Variants in TMEM260 observed in about 807,000 individuals in gnomAD.
TMEM260 encodes protein O-mannosyl-transferase TMEM260.
Under a neutral mutation model 88.9 loss-of-function variants are expected in TMEM260, and 82 were observed. The observed-to-expected ratio is 0.92, with a 90% CI of 0.77 to 1.11. The LOEUF (loss-of-function observed/expected upper bound fraction) is 1.11, where lower values mean the gene tolerates loss of function less well. Ranked by LOEUF, TMEM260 falls within the 50% of genes least tolerant of loss-of-function variation. The pLI, the probability that TMEM260 is intolerant of heterozygous loss-of-function variation, is 0.00. For synonymous variants in TMEM260, 314 were observed against 309.3 expected (o/e 1.02, Z -0.16); for missense variants, 902 against 853.4 (o/e 1.06, Z -0.71).
intron 1 of TMEM260, 49 bp downstream of exon 1, chr14:56,580,123 G>A: frequency 8.1e-7 from 1 of 1,241,836 alleles, no homozygotes; most frequent in African/African-American, 1.5e-5. Context: ...CCTGGTCCCA[G>A]AACGGGCAGG....
intron 15 of TMEM260, among the ~76,000 whole-genome samples, chr14:56,645,412 A>G (rs922795081): frequency 1.3e-4 from 19 of 151,082 alleles, no homozygotes; most frequent in Non-Finnish European, 2.4e-4. Context: ...CAAGCACCAC[A>G]TGTTCTCACT....
downstream of TMEM260, chr14:56,650,677 C>A (rs1314904869): frequency 2.0e-5 from 3 of 152,008 alleles, no homozygotes; most frequent in Admixed American, 6.6e-5. Context: ...ATTTAAAACC[C>A]ATTTTGAGTG....
chr14:56,643,848 C>G (rs1241708686), intron 15 of TMEM260, among the ~76,000 whole-genome samples: 2 of 152,228 alleles, frequency 1.3e-5, no homozygotes, highest in Non-Finnish European at 2.9e-5. Flanking sequence ...AAATCACAAG[C>G]ATTCTTATAC....
intron 15 of TMEM260, among the ~76,000 whole-genome samples, chr14:56,641,350 G>T (rs1327552414): frequency 6.6e-6 from 1 of 152,088 alleles, no homozygotes; most frequent in Non-Finnish European, 1.5e-5. Context: ...AAGAGGGTGG[G>T]GGCCAATATT....
the TMEM260 span, among the ~76,000 whole-genome samples, chr14:56,660,093 C>A: frequency 6.6e-6 from 1 of 152,148 alleles, no homozygotes; most frequent in Non-Finnish European, 1.5e-5. Flanking sequence ...AGTGATGATG[C>A]CAAAAATTAA....
At chr14:56,612,878 A>G (rs1594847742) in intron 7 of TMEM260, 1 of 152,156 alleles carries the variant, frequency 6.6e-6, no homozygotes, top group South Asian at 2.1e-4. Context: ...TTATAGAACT[A>G]AAATGTTTCA....
intron 3 of TMEM260, among the ~76,000 whole-genome samples, chr14:56,591,115 C>T (rs1566529418): frequency 6.6e-6 from 1 of 152,182 alleles, no homozygotes; most frequent in Non-Finnish European, 1.5e-5. Flanking sequence ...ATTACAAAAA[C>T]TTAAAAAACA....
At chr14:56,597,879 G>A (rs1224627916) in intron 3 of TMEM260, among the ~76,000 whole-genome samples, 7 of 152,166 alleles carry the variant, frequency 4.6e-5, no homozygotes, top group African/African-American at 1.7e-4. Context: ...AATTAACTAG[G>A]TAGATAATGA....
At chr14:56,596,406 GTATA>G (rs890940479) in intron 3 of TMEM260, among the ~76,000 whole-genome samples, 3 of 111,322 alleles carry the variant, frequency 2.7e-5, no homozygotes, top group African/African-American at 3.1e-5. Context: ...GTGTGTGTGT[GTATA>G]TATATATATA....
chr14:56,612,305 A>G lies in TMEM260; in HGVS notation c.857+20A>G. The G allele has an allele frequency of 1.3e-6, 2 of 1,598,012 alleles. No individual in the cohort carries two copies. The highest frequency in any genetic ancestry group is 1.7e-6 in the Non-Finnish European group (2 of 1,165,718). On this transcript the variant is annotated intron_variant, in intron 7 of 15. Coordinates refer to ENST00000261556, the MANE Select transcript of TMEM260 (RefSeq NM_017799.4). ...ACTGCTGTGAGTATGAAATATTTGA[A>G]ACTACTTTAAAATGAATTCTCTATT...
intron 15 of TMEM260, among the ~76,000 whole-genome samples, chr14:56,642,918 A>G (rs1889703445): frequency 6.6e-6 from 1 of 152,240 alleles, no homozygotes; most frequent in Non-Finnish European, 1.5e-5. Context: ...TCTAGAAGAA[A>G]TGGATAAATT....
intron 11 of TMEM260, 52 bp downstream of exon 11, chr14:56,621,754 G>T: frequency 6.6e-7 from 1 of 1,504,580 alleles, no homozygotes. Context: ...AAAAACATAT[G>T]TTTTGGAAAA....
chr14:56,653,750 A>AAAAACAACAAAAG (rs1416242180), downstream of TMEM260, among the ~76,000 whole-genome samples: 8 of 150,940 alleles, frequency 5.3e-5, no homozygotes, highest in Non-Finnish European at 1.2e-4. Context: ...ACAAAAAAAA[A>AAAAACAACAAAAG]AAAAACAGGA....
intron 3 of TMEM260, among the ~76,000 whole-genome samples, chr14:56,596,406 G>GTGTGTGTGTATATATA (rs1290307932): frequency 9.0e-6 from 1 of 111,320 alleles, no homozygotes; most frequent in South Asian, 2.7e-4. Context: ...GTGTGTGTGT[G>GTGTGTGTGTATATATA]TATATATATA....
intron 15 of TMEM260, among the ~76,000 whole-genome samples, chr14:56,641,083 A>G (rs911617372): frequency 2.0e-5 from 3 of 151,446 alleles, no homozygotes; most frequent in Non-Finnish European, 2.9e-5. Flanking sequence ...CAAGTTGGAA[A>G]ACACTCTGCA....
chr14:56,601,191 T>C (rs1477136028), intron 3 of TMEM260, among the ~76,000 whole-genome samples: 7 of 152,144 alleles, frequency 4.6e-5, no homozygotes, highest in Admixed American at 4.6e-4. Flanking sequence ...GTTAATGGAG[T>C]TCATAATTCT....
intron 3 of TMEM260, among the ~76,000 whole-genome samples, chr14:56,600,012 TTAAA>T (rs1352175277): frequency 2.0e-5 from 3 of 152,194 alleles, no homozygotes; most frequent in African/African-American, 7.2e-5. Context: ...TGGTCAACAT[TTAAA>T]TAAGCAGTAA....
At chr14:56,624,669 C>G (rs1219733090) in intron 11 of TMEM260, among the ~76,000 whole-genome samples, 4 of 152,150 alleles carry the variant, frequency 2.6e-5, no homozygotes, top group African/African-American at 9.7e-5. Context: ...TAGGAGCTCA[C>G]AGTCTGGTGA....
At chr14:56,601,652 C>T (rs970875810) in intron 3 of TMEM260, among the ~76,000 whole-genome samples, 1 of 152,130 alleles carries the variant, frequency 6.6e-6, no homozygotes, top group Non-Finnish European at 1.5e-5. Flanking sequence ...ATCATTTCTT[C>T]TACAATTATT....
Sources: allele counts gnomAD v4.1 joint callset (sites outside exome capture counted in the v4.1 genomes callset), GRCh38; gene constraint gnomAD v4.1.1; transcripts MANE v1.5; gene names NCBI Gene and HGNC (gene_info 2026-07-23, HGNC 2026-07-21).